Variants in DSCAM observed in about 807,000 individuals in gnomAD.
The protein encoded by DSCAM is cell adhesion molecule DSCAM.
Under a neutral mutation model 217.7 loss-of-function variants are expected in DSCAM, and 47 were observed. The observed-to-expected ratio is 0.22, with a 90% CI of 0.17 to 0.28. The LOEUF is 0.28. DSCAM is among the 10% of genes least tolerant of loss of function. The pLI, the probability that DSCAM is intolerant of heterozygous loss-of-function variation, is 1.00. For synonymous variants in DSCAM, 1,056 were observed against 1,015.3 expected (o/e 1.04, Z -0.76); for missense variants, 2,080 against 2,618.3 (o/e 0.79, Z 4.49).
rs1248509681 is a variant in DSCAM at position 40,463,173 on chromosome 21, C to T, written c.509-93928G>A. Among the ~76,000 whole-genome samples the T allele has an allele frequency of 4.6e-5, 7 of 152,048 alleles. No individual in the cohort carries two copies. In the South Asian group the frequency reaches 1.5e-3, roughly 32 times the overall value. ...CTTCCTTAGGATACTAAAATGATGG[C>T]ATTGAGAAGCTCATTATTATTGCAC... is the stretch of plus-strand genomic sequence containing the variant. On this transcript the variant is annotated intron_variant, in intron 3 of 32. Coordinates refer to ENST00000400454, the MANE Select transcript of DSCAM (RefSeq NM_001389.5).
At chr21:40,627,520 G>A (rs917610551) in intron 3 of DSCAM, among the ~76,000 whole-genome samples, 1 of 152,152 alleles carries the variant, frequency 6.6e-6, no homozygotes, top group African/African-American at 2.4e-5. Flanking sequence ...CAATTACAGC[G>A]AGTACATGTT....
intron 15 of DSCAM, among the ~76,000 whole-genome samples, chr21:40,174,531 C>CG (rs1555885980): frequency 1.4e-5 from 2 of 143,176 alleles, no homozygotes; most frequent in African/African-American, 5.1e-5. Context: ...CCATGTTATT[C>CG]TTTTTTTTTT....
At chr21:40,723,129 C>G (rs1380650482) in intron 1 of DSCAM, among the ~76,000 whole-genome samples, 1 of 148,684 alleles carries the variant, frequency 6.7e-6, no homozygotes, top group Non-Finnish European at 1.5e-5. Context: ...ATTAGGGTAA[C>G]GTAACAGTGT....
intron 1 of DSCAM, among the ~76,000 whole-genome samples, chr21:40,762,998 CA>C (rs1266329061): frequency 1.3e-5 from 2 of 152,120 alleles, no homozygotes; most frequent in African/African-American, 4.8e-5. Context: ...ACTGAATGGG[CA>C]AAAGCTGGAA....
At chr21:40,265,984 C>T (rs1272648892) in intron 11 of DSCAM, among the ~76,000 whole-genome samples, 1 of 152,058 alleles carries the variant, frequency 6.6e-6, no homozygotes, top group African/African-American at 2.4e-5. Flanking sequence ...AAAGCAAACG[C>T]AACAAAAGCA....
At chr21:40,209,366 G>C (rs1349635465) in intron 11 of DSCAM, among the ~76,000 whole-genome samples, 2 of 152,168 alleles carry the variant, frequency 1.3e-5, no homozygotes, top group East Asian at 3.9e-4. Context: ...TTTCATAGAC[G>C]TTGCATGGCG....
Position 40,231,400 on chromosome 21 carries a change from C to T in DSCAM, c.2357-42162G>A, listed in dbSNP as rs148159103. Among the ~76,000 whole-genome samples the T allele has an allele frequency of 2.6e-3, 400 of 152,198 alleles. 1 individual carries two copies. Among genetic ancestry groups the T allele is most frequent in the African/African-American group, 7.0e-3 (289 of 41,530 alleles). ...TAAGCCAATCTCTGTTGTTGTATCT[C>T]GCTGTGACACCTATCTCCCTAGATT... On this transcript the variant is annotated intron_variant, in intron 11 of 32. Transcript: ENST00000400454.
intron 3 of DSCAM, among the ~76,000 whole-genome samples, chr21:40,443,592 A>G (rs1052087205): frequency 6.6e-6 from 1 of 152,216 alleles, no homozygotes; most frequent in East Asian, 1.9e-4. Context: ...ATCACTTGTT[A>G]TGTCCAATAT....
At chr21:40,494,410 G>A (rs1230974831) in intron 3 of DSCAM, among the ~76,000 whole-genome samples, 1 of 152,092 alleles carries the variant, frequency 6.6e-6, no homozygotes, top group African/African-American at 2.4e-5. Flanking sequence ...CAACCACAAT[G>A]GTATGAAACT....
intron 1 of DSCAM, among the ~76,000 whole-genome samples, chr21:40,731,728 A>ACCCCCCCCC (rs148482159): frequency 4.5e-4 from 36 of 79,736 alleles, no homozygotes; most frequent in Non-Finnish European, 6.7e-4. Context: ...TTCCCACTGC[A>ACCCCCCCCC]CCCCCCCCCC....
At position 40,402,528 on chromosome 21, in the gene DSCAM, A is replaced by AT. The variant is rs924691102; in HGVS notation, c.509-33284dup. 7.9e-5 allele frequency among the ~76,000 whole-genome samples: 12 copies of AT among 152,186 alleles called. No individual in the cohort carries two copies. In the South Asian group the frequency reaches 1.2e-3, roughly 16 times the overall value. On this transcript the variant is annotated intron_variant, in intron 3 of 32. Transcript: ENST00000400454. ...ATTATTTCTAAATGGAGAAATAATG[A>AT]TTTTTTCCACGGGGAGTAAACTATC...
intron 3 of DSCAM, among the ~76,000 whole-genome samples, chr21:40,457,986 T>C (rs964656390): frequency 1.3e-5 from 2 of 152,098 alleles, no homozygotes; most frequent in Non-Finnish European, 2.9e-5. Flanking sequence ...GAGGTATGAA[T>C]ATGTGCACAC....
intron 21 of DSCAM, among the ~76,000 whole-genome samples, chr21:40,090,497 A>T (rs554500943): frequency 1.9e-4 from 29 of 152,266 alleles, no homozygotes; most frequent in African/African-American, 6.7e-4. Flanking sequence ...CCGTGTGGCC[A>T]CTGAGGGGCA....
intron 30 of DSCAM, among the ~76,000 whole-genome samples, chr21:40,046,482 A>G (rs1350022551): frequency 6.6e-6 from 1 of 151,644 alleles, no homozygotes; most frequent in Non-Finnish European, 1.5e-5. Context: ...ACAACCAGGT[A>G]TGAATGATAA....
intron 32 of DSCAM, among the ~76,000 whole-genome samples, chr21:40,018,078 T>C (rs1191680078): frequency 2.0e-5 from 3 of 152,266 alleles, no homozygotes; most frequent in Non-Finnish European, 4.4e-5. Context: ...CATTGAAAAT[T>C]ACTAATGTTC....
At chr21:40,801,848 T>A (rs1159391834) in intron 1 of DSCAM, among the ~76,000 whole-genome samples, 1 of 152,130 alleles carries the variant, frequency 6.6e-6, no homozygotes, top group African/African-American at 2.4e-5. Context: ...TCTAAGGATG[T>A]CATCAAAAGC....
Position 40,352,014 on chromosome 21 carries a change from T to C in DSCAM, c.934+1451A>G, listed in dbSNP as rs545497271. ...AGGAAGAAGTTAGATTTAGCAGGAATAGGTTTTTATTAACCCATTTATGCC... is the reference window on the plus strand; with the variant it reads ...AGGAAGAAGTTAGATTTAGCAGGAACAGGTTTTTATTAACCCATTTATGCC... On this transcript the variant is annotated intron_variant, in intron 5 of 32. Coordinates refer to ENST00000400454, the MANE Select transcript of DSCAM (RefSeq NM_001389.5). Among the ~76,000 whole-genome samples the C allele has an allele frequency of 8.5e-4, 129 of 152,324 alleles. No homozygotes were observed. In the Middle Eastern group the frequency reaches 0.027, roughly 32 times the overall value.
chr21:40,768,665 G>A (rs1220406631), intron 1 of DSCAM, among the ~76,000 whole-genome samples: 1 of 152,210 alleles, frequency 6.6e-6, no homozygotes, highest in South Asian at 2.1e-4. Flanking sequence ...TCCCCGGTAA[G>A]TGCAGCAATC....
intron 3 of DSCAM, among the ~76,000 whole-genome samples, chr21:40,428,713 A>G (rs1004113077): frequency 6.6e-6 from 1 of 152,154 alleles, no homozygotes; most frequent in Admixed American, 6.5e-5. Context: ...GCAAATATCC[A>G]TATTTAGTGT....
Sources: gnomAD v4.1 joint callset for allele counts (sites outside exome capture counted in the v4.1 genomes callset) on GRCh38, gnomAD v4.1.1 for gene constraint, MANE v1.5 for transcripts, NCBI Gene and HGNC (gene_info 2026-07-23, HGNC 2026-07-21) for gene names.